The following PRKRIP1 variants were observed in gnomAD, a reference collection of about 807,000 sequenced individuals.
The protein encoded by PRKRIP1 is PRKR interacting protein 1.
PRKRIP1 carries 29 observed loss-of-function variants against 29.3 expected under a neutral mutation model. The observed-to-expected ratio is 0.99, with a 90% confidence interval of 0.74 to 1.35. PRKRIP1 has a LOEUF of 1.35. Ranked by LOEUF, PRKRIP1 falls within the 40% of genes most tolerant of loss-of-function variation. PRKRIP1 has a pLI of 0.00. For synonymous variants in PRKRIP1, 90 were observed against 85.1 expected (o/e 1.06, Z -0.32); for missense variants, 247 against 236.8 (o/e 1.04, Z -0.28).
At chr7:102,410,562 G>A (rs1796354727) in intron 5 of PRKRIP1, among the ~76,000 whole-genome samples, 1 of 152,152 alleles carries the variant, frequency 6.6e-6, no homozygotes, top group Non-Finnish European at 1.5e-5. Flanking sequence ...CTGTGGCAGG[G>A]GGGCTCTTGG....
rs1429040777 is a variant in PRKRIP1 at position 102,425,332 on chromosome 7, C to T, written c.*221C>T. On this transcript the variant is annotated 3_prime_UTR_variant, in exon 6 of 6. Transcript: ENST00000397912. Reference sequence around the variant, plus strand: ...GAGGCACTGCCTTGCAGACACCATCCGTGCTCCTGGTAAAGGGGGACAGAG... The same window carrying T: ...GAGGCACTGCCTTGCAGACACCATCTGTGCTCCTGGTAAAGGGGGACAGAG... The T allele has an allele frequency of 4.8e-6, 4 of 831,292 alleles. No individual in the cohort carries two copies. The East Asian group carries it at 9.0e-5, about 19-fold the overall frequency. 51.5% of individuals were successfully genotyped at this position (831,292 alleles called of 1,614,324 possible).
intron 5 of PRKRIP1, among the ~76,000 whole-genome samples, chr7:102,415,928 C>T (rs1796523977): frequency 6.6e-6 from 1 of 152,282 alleles, no homozygotes; most frequent in South Asian, 2.1e-4. Context: ...TCCACATGCC[C>T]CCAGCTCTCT....
Position 102,411,813 on chromosome 7 carries a change from TTTTTG to T in PRKRIP1, c.457+4319_457+4323del, listed in dbSNP as rs1337779739. ...CACCAACACTTATTTTCTGTTTTTT[TTTTTG>T]TTTGTTTGTTTTGTTTTTAGGTAAC... On this transcript the variant is annotated intron_variant, in intron 5 of 5. Coordinates refer to ENST00000397912, the MANE Select transcript of PRKRIP1 (RefSeq NM_024653.4). 6.3e-4 allele frequency among the ~76,000 whole-genome samples: 90 copies of T among 143,400 alleles called. 1 individual carries two copies. Among genetic ancestry groups the T allele is most frequent in the Non-Finnish European group, 1.1e-3 (73 of 65,598 alleles). The allele number at this position is 143,400 out of a possible 152,430, so 94.1% of individuals were successfully genotyped here. A position where few individuals can be genotyped will look rare whatever the true frequency, so the allele number is the denominator to read the frequency against.
intron 5 of PRKRIP1, among the ~76,000 whole-genome samples, chr7:102,422,633 C>T (rs782650300): frequency 6.6e-6 from 1 of 152,004 alleles, no homozygotes; most frequent in African/African-American, 2.4e-5. Flanking sequence ...TGAGCCACCA[C>T]GCCCAGCCTA....
chr7:102,403,203 A>G (rs1023670831), intron 3 of PRKRIP1, among the ~76,000 whole-genome samples: 1 of 152,134 alleles, frequency 6.6e-6, no homozygotes, highest in African/African-American at 2.4e-5. Flanking sequence ...AGCAAATCAG[A>G]TCTTTTAGAT....
chr7:102,406,925 G>T (rs1398732490), intron 4 of PRKRIP1, among the ~76,000 whole-genome samples: 3 of 150,850 alleles, frequency 2.0e-5, no homozygotes, highest in African/African-American at 7.3e-5. Context: ...ATCTATTTAA[G>T]AATATATAGG....
At chr7:102,404,468 TG>T in intron 3 of PRKRIP1, 129 bp from the exon 4 acceptor site, 1 of 713,586 alleles carries the variant, frequency 1.4e-6, no homozygotes. Flanking sequence ...AAAATGGCCC[TG>T]GGGACCCGGG....
chr7:102,426,143 G>A lies in PRKRIP1; in HGVS notation c.*1032G>A, dbSNP rs912040941. ...AGGGCAGCCCGGCGCAGGGGCATGC[G>A]CCTAGAATCCCAGCTACTCGGAAGG... On this transcript the variant is annotated 3_prime_UTR_variant, in exon 6 of 6. Coordinates refer to ENST00000397912, the MANE Select transcript of PRKRIP1 (RefSeq NM_024653.4). 2.6e-5 allele frequency: 4 copies of A among 152,804 alleles called. No homozygotes were observed. The highest frequency in any genetic ancestry group is 5.9e-5 in the Non-Finnish European group (4 of 68,322). 9.5% of individuals were successfully genotyped at this position (152,804 alleles called of 1,614,324 possible).
chr7:102,419,913 C>T (rs535745174), intron 5 of PRKRIP1, among the ~76,000 whole-genome samples: 4 of 151,082 alleles, frequency 2.6e-5, no homozygotes, highest in African/African-American at 2.4e-5. Context: ...GATGGAGTCT[C>T]TCTGTCGCCC....
At position 102,425,477 on chromosome 7, in the gene PRKRIP1, GTC is replaced by G; in HGVS notation, c.*367_*368del. On this transcript the variant is annotated 3_prime_UTR_variant, in exon 6 of 6. Transcript: ENST00000397912. ...TTTTGTTGGGACATGTGGACCGTGA[GTC>G]GCAAACACTCTGGAGAAGGCTGAGA... The G allele has an allele frequency of 3.2e-6, 1 of 312,520 alleles. No homozygotes were observed. Among genetic ancestry groups the G allele is most frequent in the Admixed American group, 5.1e-5 (1 of 19,678 alleles). The allele number at this position is 312,520 out of a possible 1,614,324, so 19.4% of individuals were successfully genotyped here. A position where few individuals can be genotyped will look rare whatever the true frequency, so the allele number is the denominator to read the frequency against.
At position 102,425,194 on chromosome 7, in the gene PRKRIP1, C is replaced by T. The variant is rs559937833; in HGVS notation, c.*83C>T. Reference sequence around the variant, plus strand: ...GGCGGCTGTTTGGCTCTTTCTCCCCCGCAAGGACCCGCTGACCCGCTGGAT... The same window carrying T: ...GGCGGCTGTTTGGCTCTTTCTCCCCTGCAAGGACCCGCTGACCCGCTGGAT... On this transcript the variant is annotated 3_prime_UTR_variant, in exon 6 of 6. Transcript: ENST00000397912. The T allele has an allele frequency of 1.4e-5, 21 of 1,536,776 alleles. No homozygotes were observed. Among genetic ancestry groups the T allele is most frequent in the African/African-American group, 6.8e-5 (5 of 73,248 alleles).
At chr7:102,424,973 C>A in intron 5 of PRKRIP1, 41 bp from the exon 6 acceptor site, 7 of 1,594,854 alleles carry the variant, frequency 4.4e-6, no homozygotes, top group Non-Finnish European at 6.0e-6. Flanking sequence ...TGACCCTGAA[C>A]GATTTTGCAT....
Position 102,400,022 on chromosome 7 carries a change from A to G in PRKRIP1, c.306+374A>G, listed in dbSNP as rs971341267. Among the ~76,000 whole-genome samples the G allele has an allele frequency of 4.6e-5, 7 of 151,186 alleles. No individual in the cohort carries two copies. In the East Asian group the frequency reaches 1.4e-3, roughly 29 times the overall value. On this transcript the variant is annotated intron_variant, in intron 3 of 5. Transcript: ENST00000397912. The stretch of plus-strand genomic sequence containing the variant: ...ATCTCAAAAAAAAAAAAAAAGAGAG[A>G]AAAGAAAAGAAAAAAGCGTTTGAGG...
At chr7:102,415,741 CG>C (rs1554573019) in intron 5 of PRKRIP1, among the ~76,000 whole-genome samples, 1 of 152,248 alleles carries the variant, frequency 6.6e-6, no homozygotes, top group African/African-American at 2.4e-5. Context: ...AGGCACCATG[CG>C]GTGATGGCAC....
chr7:102,410,684 G>T (rs1338317832), intron 5 of PRKRIP1, among the ~76,000 whole-genome samples: 2 of 152,148 alleles, frequency 1.3e-5, no homozygotes, highest in African/African-American at 4.8e-5. Context: ...CATTTCCAGA[G>T]TTCTGAAAAA....
chr7:102,424,965 A>G, intron 5 of PRKRIP1, 49 bp from the exon 6 acceptor site: 2 of 1,586,360 alleles, frequency 1.3e-6, no homozygotes, highest in Non-Finnish European at 1.7e-6. Context: ...AGCACCCTTG[A>G]CCCTGAACGA....
intron 4 of PRKRIP1, among the ~76,000 whole-genome samples, chr7:102,404,941 T>C (rs1028639811): frequency 1.8e-4 from 27 of 152,112 alleles, no homozygotes; most frequent in Non-Finnish European, 3.7e-4. Flanking sequence ...TTTTTTTTTT[T>C]TTTGAGACAA....
chr7:102,408,234 C>G (rs560179352), intron 5 of PRKRIP1, among the ~76,000 whole-genome samples: 1 of 152,176 alleles, frequency 6.6e-6, no homozygotes, highest in East Asian at 1.9e-4. Flanking sequence ...AATTGGAGAG[C>G]AAAAGTTTCT....
intron 2 of PRKRIP1, among the ~76,000 whole-genome samples, chr7:102,398,052 GA>G (rs1295358064): frequency 7.6e-5 from 11 of 144,898 alleles, no homozygotes; most frequent in Non-Finnish European, 1.2e-4. Context: ...GTCTCAAAAA[GA>G]AAAAAAAAAG....
Sources: allele counts gnomAD v4.1 joint callset (sites outside exome capture counted in the v4.1 genomes callset), GRCh38; gene constraint gnomAD v4.1.1; transcripts MANE v1.5; gene names NCBI Gene and HGNC (gene_info 2026-07-23, HGNC 2026-07-21).